Variants in TRABD2B observed in about 807,000 individuals in gnomAD.
The protein encoded by TRABD2B is metalloprotease TIKI2.
In TRABD2B, 14 loss-of-function variants were observed where a neutral mutation model predicts 40.1. That is an observed-to-expected ratio of 0.35 (90% CI 0.23 to 0.55). The LOEUF is 0.55. Among genes scored for constraint, TRABD2B ranks in the 20% least tolerant of loss-of-function variants. The pLI is 0.90. For missense variants in TRABD2B, 541 were observed against 648.6 expected, an observed-to-expected ratio of 0.83 and a Z score of 1.80; for synonymous variants, 263 against 277.0, an observed-to-expected ratio of 0.95 and a Z score of 0.50.
At chr1:47,916,994 C>T (rs1644838672) in intron 2 of TRABD2B, among the ~76,000 whole-genome samples, 1 of 152,232 alleles carries the variant, frequency 6.6e-6, no homozygotes, top group African/African-American at 2.4e-5. Context: ...TCCCGTCTTG[C>T]AGATGAGAAA....
intron 2 of TRABD2B, among the ~76,000 whole-genome samples, chr1:47,802,315 T>A (rs923740610): frequency 1.3e-5 from 2 of 152,204 alleles, no homozygotes; most frequent in African/African-American, 4.8e-5. Flanking sequence ...ACAGGATCCC[T>A]GCACACTTCC....
chr1:47,788,123 C>G (rs1022659755), intron 4 of TRABD2B, among the ~76,000 whole-genome samples: 1 of 152,128 alleles, frequency 6.6e-6, no homozygotes, highest in African/African-American at 2.4e-5. Context: ...TAATAAATAC[C>G]ATCCTGTTTC....
At chr1:47,798,370 T>A (rs1644776192) in intron 3 of TRABD2B, among the ~76,000 whole-genome samples, 1 of 152,244 alleles carries the variant, frequency 6.6e-6, no homozygotes, top group Admixed American at 6.5e-5. Context: ...GCAGCAACTC[T>A]ACACCTAAGG....
rs547548213 is a variant in TRABD2B at position 47,939,577 on chromosome 1, G to A, written c.666+54457C>T. On this transcript the variant is annotated intron_variant, in intron 2 of 6. Coordinates refer to ENST00000606738, the MANE Select transcript of TRABD2B (RefSeq NM_001194986.2). ...GAGACAGGGACACTGTAATCCCCTG[G>A]ACAGAAAAATTACGGGAGCTTGAAG... Among the ~76,000 whole-genome samples, 22 of 152,214 alleles carry A rather than the reference G, an allele frequency of 1.4e-4. 1 individual carries two copies. The South Asian group carries it at 4.2e-3, about 29-fold the overall frequency.
rs373477292 is a variant in TRABD2B at position 47,869,450 on chromosome 1, C to T, written c.667-67831G>A. Among the ~76,000 whole-genome samples, 146 of 152,312 alleles carry T rather than the reference C, an allele frequency of 9.6e-4. 3 individuals are homozygous for T. The South Asian group carries it at 0.027, about 28-fold the overall frequency. On this transcript the variant is annotated intron_variant, in intron 2 of 6. Transcript: ENST00000606738. ...GTGATCACCGATTTAAGCAAACATG[C>T]GCCACGGTGGTCCGCAAAAGAAGAT...
chr1:47,815,817 A>C (rs1004317057), intron 2 of TRABD2B, among the ~76,000 whole-genome samples: 1 of 45,404 alleles, frequency 2.2e-5, no homozygotes, highest in African/African-American at 5.1e-5. Flanking sequence ...AGATAGATAG[A>C]TAGATAGATA....
intron 4 of TRABD2B, among the ~76,000 whole-genome samples, chr1:47,794,228 T>A (rs760357802): frequency 6.6e-6 from 1 of 152,158 alleles, no homozygotes; most frequent in Non-Finnish European, 1.5e-5. Flanking sequence ...TGGGGCCACA[T>A]GTGCTTCACA....
chr1:47,882,535 T>G (rs1221102428), intron 2 of TRABD2B, among the ~76,000 whole-genome samples: 1 of 152,190 alleles, frequency 6.6e-6, no homozygotes, highest in African/African-American at 2.4e-5. Flanking sequence ...ATCAGATGTT[T>G]GGTTCAGATA....
intron 2 of TRABD2B, among the ~76,000 whole-genome samples, chr1:47,858,417 C>T (rs893336260): frequency 6.6e-6 from 1 of 152,060 alleles, no homozygotes; most frequent in Non-Finnish European, 1.5e-5. Context: ...GCCACCATGA[C>T]TGGCTAATTT....
intron 2 of TRABD2B, among the ~76,000 whole-genome samples, chr1:47,964,796 T>C (rs1645574679): frequency 6.6e-6 from 1 of 152,164 alleles, no homozygotes; most frequent in African/African-American, 2.4e-5. Context: ...TCTCTCATGT[T>C]GCAAAGGAGG....
At chr1:47,825,435 T>G (rs1440887973) in intron 2 of TRABD2B, among the ~76,000 whole-genome samples, 2 of 152,164 alleles carry the variant, frequency 1.3e-5, no homozygotes, top group African/African-American at 4.8e-5. Flanking sequence ...AACTCATGAG[T>G]CTCCCAAGAC....
intron 2 of TRABD2B, among the ~76,000 whole-genome samples, chr1:47,874,252 AT>A (rs61411862): frequency 0.015 from 1,319 of 90,466 alleles, 4 homozygotes; most frequent in African/African-American, 0.039. Flanking sequence ...TGATTAATTA[AT>A]TTTTTTTTTT....
At chr1:47,789,884 C>T (rs2124182755) in intron 4 of TRABD2B, among the ~76,000 whole-genome samples, 1 of 152,000 alleles carries the variant, frequency 6.6e-6, no homozygotes, top group Admixed American at 6.6e-5. Context: ...ATCAGCCTCA[C>T]TCATCCTAGA....
At chr1:47,925,249 A>G (rs2124747050) in intron 2 of TRABD2B, among the ~76,000 whole-genome samples, 1 of 152,338 alleles carries the variant, frequency 6.6e-6, no homozygotes, top group East Asian at 1.9e-4. Flanking sequence ...TCTTATAGAA[A>G]ATAGACTTTA....
chr1:47,885,423 G>C (rs989267265), intron 2 of TRABD2B, among the ~76,000 whole-genome samples: 1 of 152,144 alleles, frequency 6.6e-6, no homozygotes, highest in African/African-American at 2.4e-5. Flanking sequence ...TGAGACAAAG[G>C]GCTGTGTCTG....
chr1:47,805,101 C>A (rs560428915), intron 2 of TRABD2B, among the ~76,000 whole-genome samples: 1 of 152,254 alleles, frequency 6.6e-6, no homozygotes, highest in Admixed American at 6.5e-5. Context: ...CAGGATGGGG[C>A]TTGCCTAAGG....
chr1:47,899,986 G>C (rs1644577565), intron 2 of TRABD2B, among the ~76,000 whole-genome samples: 1 of 152,186 alleles, frequency 6.6e-6, no homozygotes, highest in South Asian at 2.1e-4. Flanking sequence ...GGCCCAGCCA[G>C]CTATTTCAGA....
intron 2 of TRABD2B, among the ~76,000 whole-genome samples, chr1:47,954,624 G>A (rs766637629): frequency 1.3e-5 from 2 of 152,174 alleles, no homozygotes; most frequent in Non-Finnish European, 2.9e-5. Flanking sequence ...GAATAAGGTC[G>A]TGGGGTTGAG....
intron 6 of TRABD2B, among the ~76,000 whole-genome samples, chr1:47,773,090 G>C (rs1385149412): frequency 6.6e-6 from 1 of 152,226 alleles, no homozygotes; most frequent in African/African-American, 2.4e-5. Flanking sequence ...TCCATTGCTG[G>C]AGCTGACAGC....
Sources: gnomAD v4.1 joint callset for allele counts (sites outside exome capture counted in the v4.1 genomes callset) on GRCh38, gnomAD v4.1.1 for gene constraint, MANE v1.5 for transcripts, NCBI Gene and HGNC (gene_info 2026-07-23, HGNC 2026-07-21) for gene names.